The following FBXO42 variants were observed in gnomAD, a reference collection of about 807,000 sequenced individuals.
The protein encoded by FBXO42 is F-box protein 42.
FBXO42 carries 12 observed loss-of-function variants against 71.7 expected under a neutral mutation model. The ratio of observed to expected loss-of-function variants is 0.17; its 90% CI spans 0.11 to 0.27. FBXO42 has a LOEUF of 0.27. Among genes scored for constraint, FBXO42 ranks in the 10% least tolerant of loss-of-function variants. The probability of loss-of-function intolerance (pLI) is 1.00; values close to 1 mark genes in which losing one functional copy is unlikely to be tolerated. For missense variants in FBXO42, 707 were observed against 911.9 expected, an observed-to-expected ratio of 0.78 and a Z score of 2.89; for synonymous variants, 325 against 327.5, an observed-to-expected ratio of 0.99 and a Z score of 0.08.
intron 1 of FBXO42, among the ~76,000 whole-genome samples, chr1:16,319,156 G>A (rs1557600613): frequency 6.6e-6 from 1 of 152,158 alleles, no homozygotes; most frequent in Non-Finnish European, 1.5e-5. Flanking sequence ...ATTTGGCGGG[G>A]GGTGGGGAAG....
chr1:16,255,607 T>C (rs1338176568), intron 6 of FBXO42, 104 bp downstream of exon 6: 1 of 921,854 alleles, frequency 1.1e-6, no homozygotes, highest in Non-Finnish European at 1.6e-6. Flanking sequence ...AATGCTGGGA[T>C]TACAGGTGTG....
chr1:16,312,920 G>A (rs954565779), intron 2 of FBXO42, among the ~76,000 whole-genome samples: 8 of 151,172 alleles, frequency 5.3e-5, no homozygotes, highest in Non-Finnish European at 8.8e-5. Flanking sequence ...TCAGCCTCCC[G>A]AGTAGCTAGG....
chr1:16,260,209 CTTTT>C (rs35806590), intron 4 of FBXO42, among the ~76,000 whole-genome samples: 2 of 125,394 alleles, frequency 1.6e-5, no homozygotes, highest in African/African-American at 2.9e-5. Context: ...TACTATGCAG[CTTTT>C]TTTTTTTTTT....
chr1:16,339,645 C>T (rs2082584518), intron 1 of FBXO42, among the ~76,000 whole-genome samples: 1 of 151,478 alleles, frequency 6.6e-6, no homozygotes, highest in African/African-American at 2.4e-5. Context: ...TCTCAATAAC[C>T]AGATTACACA....
chr1:16,285,945 G>A (rs2082017484), intron 4 of FBXO42, among the ~76,000 whole-genome samples: 1 of 152,094 alleles, frequency 6.6e-6, no homozygotes, highest in Admixed American at 6.6e-5. Flanking sequence ...ATGGGTCACT[G>A]CAGCCTCAAC....
At chr1:16,322,652 C>G (rs2082417663) in intron 1 of FBXO42, among the ~76,000 whole-genome samples, 1 of 152,176 alleles carries the variant, frequency 6.6e-6, no homozygotes, top group African/African-American at 2.4e-5. Flanking sequence ...TTTCTAAAGT[C>G]TGAATGCCTT....
intron 1 of FBXO42, among the ~76,000 whole-genome samples, chr1:16,319,862 G>C (rs2082397897): frequency 1.3e-5 from 2 of 151,668 alleles, no homozygotes; most frequent in African/African-American, 2.4e-5. Flanking sequence ...AGTGAGCCGA[G>C]ATTGCGCCAC....
intron 1 of FBXO42, among the ~76,000 whole-genome samples, chr1:16,335,063 CAA>C (rs55983316): frequency 0.012 from 844 of 68,832 alleles, 2 homozygotes; most frequent in African/African-American, 0.043. Flanking sequence ...CTCGTCTGTA[CAA>C]AAAAAAAAAA....
intron 1 of FBXO42, among the ~76,000 whole-genome samples, chr1:16,316,925 T>TA (rs2082372490): frequency 6.6e-6 from 1 of 152,062 alleles, no homozygotes; most frequent in South Asian, 2.1e-4. Context: ...CCATGAAATA[T>TA]AGAGCAAAGA....
intron 2 of FBXO42, among the ~76,000 whole-genome samples, chr1:16,311,046 G>A (rs952250937): frequency 2.1e-5 from 3 of 145,906 alleles, no homozygotes; most frequent in Non-Finnish European, 4.5e-5. Flanking sequence ...ATGGGTCAAC[G>A]CCGGGCACGG....
At chr1:16,347,578 G>A (rs1233759770) in intron 1 of FBXO42, among the ~76,000 whole-genome samples, 3 of 148,932 alleles carry the variant, frequency 2.0e-5, no homozygotes, top group African/African-American at 5.0e-5. Context: ...TTTCAGGCAG[G>A]GCACTGTGGC....
intron 2 of FBXO42, among the ~76,000 whole-genome samples, chr1:16,313,132 C>G (rs570774751): frequency 6.6e-6 from 1 of 151,114 alleles, no homozygotes; most frequent in East Asian, 1.9e-4. Context: ...TTGCTGTGAA[C>G]CTAAAAGTGC....
chr1:16,263,746 C>T (rs576272163), intron 4 of FBXO42, among the ~76,000 whole-genome samples: 8 of 149,962 alleles, frequency 5.3e-5, no homozygotes, highest in South Asian at 4.2e-4. Flanking sequence ...AAAAAAAAAC[C>T]GAAAAACCAA....
intron 3 of FBXO42, among the ~76,000 whole-genome samples, chr1:16,300,300 C>T (rs566507292): frequency 6.6e-6 from 1 of 152,228 alleles, no homozygotes; most frequent in East Asian, 1.9e-4. Flanking sequence ...GCTTAGTTTA[C>T]GACACATACT....
At chr1:16,311,064 C>T (rs1260710820) in intron 2 of FBXO42, among the ~76,000 whole-genome samples, 14 of 120,048 alleles carry the variant, frequency 1.2e-4, no homozygotes, top group Non-Finnish European at 1.1e-4. Flanking sequence ...CGGTGGCTCA[C>T]GCCTGTAATC....
chr1:16,305,691 G>C, intron 3 of FBXO42, 112 bp downstream of exon 3: 1 of 878,672 alleles, frequency 1.1e-6, no homozygotes. Context: ...TCCAGCTTGG[G>C]TGATAGAGTG....
intron 4 of FBXO42, among the ~76,000 whole-genome samples, chr1:16,288,614 A>G (rs2082046402): frequency 6.6e-6 from 1 of 152,010 alleles, no homozygotes; most frequent in South Asian, 2.1e-4. Context: ...TATAAACCTG[A>G]AACATAAGTC....
Position 16,256,526 on chromosome 1 carries a change from CT to C in FBXO42, c.656+79del, listed in dbSNP as rs1371844759. The C allele has an allele frequency of 2.1e-6, 3 of 1,450,888 alleles. No homozygotes were observed. The African/African-American group carries it at 4.3e-5, about 21-fold the overall frequency. 89.9% of individuals were successfully genotyped at this position (1,450,888 alleles called of 1,614,324 possible). ...GCTTTCCATCTAATTCTCAAAGGGA[CT>C]CTTGACACAAAAAAACAAAGAATCC... is the stretch of plus-strand genomic sequence containing the variant. On this transcript the variant is annotated intron_variant, in intron 5 of 9. Coordinates refer to ENST00000375592, the MANE Select transcript of FBXO42 (RefSeq NM_018994.3).
chr1:16,313,038 G>A (rs2082328078), intron 2 of FBXO42, among the ~76,000 whole-genome samples: 1 of 151,898 alleles, frequency 6.6e-6, no homozygotes, highest in Admixed American at 6.6e-5. Context: ...CAGGCGATCC[G>A]CCCACGTTGG....
Sources: allele counts gnomAD v4.1 joint callset (sites outside exome capture counted in the v4.1 genomes callset), GRCh38; gene constraint gnomAD v4.1.1; transcripts MANE v1.5; gene names NCBI Gene and HGNC (gene_info 2026-07-23, HGNC 2026-07-21).